The following CERKL variants were observed in gnomAD, a reference collection of about 807,000 sequenced individuals.
The protein encoded by CERKL is ceramide kinase-like protein.
In CERKL, 61 loss-of-function variants were observed where a neutral mutation model predicts 63.4. That is an observed-to-expected ratio of 0.96 (90% CI 0.78 to 1.19). CERKL has a LOEUF of 1.19. Among genes scored for constraint, CERKL ranks in the 50% most tolerant of loss-of-function variants. The pLI is 0.00. For missense variants in CERKL, 675 were observed against 655.5 expected (o/e 1.03, Z -0.33); for synonymous variants, 250 against 230.5 (o/e 1.08, Z -0.77).
intron 11 of CERKL, among the ~76,000 whole-genome samples, chr2:181,544,181 A>C (rs970419531): frequency 6.6e-6 from 1 of 152,162 alleles, no homozygotes; most frequent in African/African-American, 2.4e-5. Flanking sequence ...CAAATCACTT[A>C]AGTGGAAATG....
At chr2:181,628,783 C>T (rs1381559287) in intron 1 of CERKL, among the ~76,000 whole-genome samples, 1 of 152,188 alleles carries the variant, frequency 6.6e-6, no homozygotes, top group Non-Finnish European at 1.5e-5. Context: ...CAAGTAATTA[C>T]TGCTGAGATC....
At position 181,656,957 on chromosome 2, in the gene CERKL, C is replaced by T. The variant is rs754956834; in HGVS notation, c.50G>A (p.Arg17Gln). Residue 17 changes from arginine to glutamine, a missense_variant, in exon 1 of 13, where the codon CGG becomes CAG. By Grantham distance (43) the Arg-to-Gln change is conservative. Coordinates refer to ENST00000410087, the MANE Select transcript of CERKL (RefSeq NM_201548.5). ...AGCCTCCGGGGGCGCCTCTTCCTCC[C>T]GGCCGCCCTCCAGGGCACTCACCCG... is the stretch of plus-strand genomic sequence containing the variant. Reference protein sequence around the residue: ...RNRVSALEGGREEEAPPEAAA... With the variant: ...RNRVSALEGGQEEEAPPEAAA... 9 of 1,583,300 alleles carry T rather than the reference C, an allele frequency of 5.7e-6. No individual in the cohort carries two copies. The highest frequency in any genetic ancestry group is 8.6e-7 in the Non-Finnish European group (1 of 1,165,030).
chr2:181,583,768 T>A (rs1684638381), intron 2 of CERKL, among the ~76,000 whole-genome samples: 1 of 152,160 alleles, frequency 6.6e-6, no homozygotes, highest in African/African-American at 2.4e-5. Context: ...TCAGAGAGAA[T>A]AAAACATACG....
At position 181,538,110 on chromosome 2, in the gene CERKL, CAGGTTT is replaced by C; in HGVS notation, c.*68_*73del. On this transcript the variant is annotated 3_prime_UTR_variant, in exon 13 of 13. Coordinates refer to ENST00000410087, the MANE Select transcript of CERKL (RefSeq NM_201548.5). ...CTGGTCCCAAAAAGGGTGGGGACCA[CAGGTTT>C]AAAGCATGGCCACATTTCTTTATAT... The C allele has an allele frequency of 1.9e-6, 2 of 1,030,752 alleles. No homozygotes were observed. The highest frequency in any genetic ancestry group is 3.0e-6 in the Non-Finnish European group (2 of 657,694). The allele number at this position is 1,030,752 out of a possible 1,614,324, so 63.9% of individuals were successfully genotyped here.
chr2:181,586,113 T>C (rs1490725855), intron 2 of CERKL, among the ~76,000 whole-genome samples: 1 of 152,116 alleles, frequency 6.6e-6, no homozygotes, highest in Non-Finnish European at 1.5e-5. Context: ...AAGATGACCT[T>C]AGTCACTAGG....
At chr2:181,643,416 G>C (rs1024437231) in intron 1 of CERKL, among the ~76,000 whole-genome samples, 2 of 152,196 alleles carry the variant, frequency 1.3e-5, no homozygotes, top group Admixed American at 6.5e-5. Flanking sequence ...GCAGATTATA[G>C]AGAGCTGGAG....
intron 2 of CERKL, among the ~76,000 whole-genome samples, chr2:181,594,243 G>T (rs946387626): frequency 4.6e-5 from 7 of 152,178 alleles, no homozygotes; most frequent in Non-Finnish European, 7.3e-5. Context: ...GTGCTAAGAA[G>T]AGTTACAGTC....
intron 2 of CERKL, among the ~76,000 whole-genome samples, chr2:181,578,198 G>GTA (rs1491350298): frequency 1.9e-4 from 29 of 151,324 alleles, no homozygotes; most frequent in African/African-American, 5.3e-4. Context: ...ATACACACAC[G>GTA]TATATATATA....
intron 1 of CERKL, among the ~76,000 whole-genome samples, chr2:181,612,813 T>C (rs1004654483): frequency 6.4e-4 from 97 of 152,222 alleles, no homozygotes; most frequent in African/African-American, 2.1e-3. Flanking sequence ...TTTATGTATA[T>C]ATTACAATAT....
chr2:181,544,501 T>G (rs1254741726), intron 11 of CERKL, among the ~76,000 whole-genome samples, 199 bp downstream of exon 11: 1 of 149,390 alleles, frequency 6.7e-6, no homozygotes, highest in African/African-American at 2.4e-5. Context: ...TAATTCATCA[T>G]TCAAAAAAGG....
Position 181,573,848 on chromosome 2 carries a change from A to T in CERKL, c.518T>A (p.Leu173His), listed in dbSNP as rs1355646403. 2.5e-6 allele frequency: 4 copies of T among 1,612,766 alleles called. No homozygotes were observed. The African/African-American group carries it at 5.3e-5, about 22-fold the overall frequency. The part of the protein sequence containing the change: ...PNRPKSLKIL[L>H]NPQSHKKEAT... ...TTCTTTTTTGTGACTTTGGGGGTTA[A>T]GGAGTATTTTTAATGACTTCGGTCT... Residue 173 changes from leucine to histidine, a missense_variant, in exon 3 of 13, where the codon CTT (leucine) becomes CAT (histidine). By Grantham distance (99) the Leu-to-His change is moderately conservative (BLOSUM62 -3). Transcript: ENST00000410087.
chr2:181,647,455 A>G (rs1687717924), intron 1 of CERKL, among the ~76,000 whole-genome samples: 1 of 152,208 alleles, frequency 6.6e-6, no homozygotes, highest in African/African-American at 2.4e-5. Flanking sequence ...TAGCAAAACT[A>G]TACCACCATC....
At chr2:181,570,241 T>C (rs912185470) in intron 3 of CERKL, among the ~76,000 whole-genome samples, 1 of 152,146 alleles carries the variant, frequency 6.6e-6, no homozygotes, top group African/African-American at 2.4e-5. Flanking sequence ...ACTCTGCCTC[T>C]AGTGTAGGTG....
chr2:181,603,949 G>T lies in CERKL; in HGVS notation c.369C>A (p.Phe123Leu). Residue 123 changes from phenylalanine to leucine, a missense_variant, in exon 2 of 13, where the codon TTC becomes TTA. Physicochemically the swap from Phe to Leu is conservative, Grantham distance 22. Coordinates refer to ENST00000410087, the MANE Select transcript of CERKL (RefSeq NM_201548.5). ...RSGTLLGITL[F>L]ICLKKEQNKL... is the part of the protein sequence containing the mutation. ...TATTTTGTTCCTTTTTCAAGCAGAT[G>T]AAGAGTGTGATACCTAATAAAGTAC... The T allele has an allele frequency of 6.2e-7, 1 of 1,613,228 alleles. No individual in the cohort carries two copies. The highest frequency in any genetic ancestry group is 8.5e-7 in the Non-Finnish European group (1 of 1,179,644).
In CERKL at chr2:181,604,003, C is replaced by T. The variant is rs776850730; in HGVS notation, c.315G>A (p.Arg105=). 1 of 1,612,722 alleles carries T rather than the reference C, an allele frequency of 6.2e-7. No homozygotes were observed. The highest frequency in any genetic ancestry group is 1.7e-5 in the Admixed American group (1 of 59,966). The part of the protein sequence containing the change: ...LKDIFSVKLK[R]RCSVKQQRSG... ...TTCTCTGCTGTTTAACAGAACAACG[C>T]CGTTTCAGTTTCACAGAGAATATGT... The change falls in exon 2 of 13, where the codon CGG becomes CGA. Residue 105 remains arginine, a synonymous_variant. Transcript: ENST00000410087.
At chr2:181,556,400 C>A (rs1170481734) in intron 5 of CERKL, among the ~76,000 whole-genome samples, 1 of 152,020 alleles carries the variant, frequency 6.6e-6, no homozygotes, top group Non-Finnish European at 1.5e-5. Flanking sequence ...CACCTTCCCC[C>A]ACCCCACAAC....
At chr2:181,596,079 A>G (rs1285716794) in intron 2 of CERKL, among the ~76,000 whole-genome samples, 1 of 152,226 alleles carries the variant, frequency 6.6e-6, no homozygotes, top group Non-Finnish European at 1.5e-5. Flanking sequence ...TTTGAATATA[A>G]TCACATAAGA....
At chr2:181,580,293 T>C (rs957085059) in intron 2 of CERKL, among the ~76,000 whole-genome samples, 1 of 151,894 alleles carries the variant, frequency 6.6e-6, no homozygotes, top group Non-Finnish European at 1.5e-5. Context: ...TTTTCGTTGC[T>C]GCTGTCAACG....
At chr2:181,555,533 A>T (rs1688164672) in intron 5 of CERKL, among the ~76,000 whole-genome samples, 1 of 152,172 alleles carries the variant, frequency 6.6e-6, no homozygotes, top group Middle Eastern at 3.2e-3. Context: ...ACACTCTAAA[A>T]GGGCATTTGA....
Sources: allele counts gnomAD v4.1 joint callset (sites outside exome capture counted in the v4.1 genomes callset), GRCh38; gene constraint gnomAD v4.1.1; transcripts MANE v1.5; gene names NCBI Gene and HGNC (gene_info 2026-07-23, HGNC 2026-07-21).